Variants in RASEF observed in about 807,000 individuals in gnomAD.
RASEF encodes the protein ras and EF-hand domain-containing protein.
In RASEF, 68 loss-of-function variants were observed where a neutral mutation model predicts 90.1. The observed-to-expected ratio is 0.75, with a 90% CI of 0.62 to 0.92. The LOEUF is 0.92. RASEF is among the 40% of genes least tolerant of loss of function. The probability of loss-of-function intolerance (pLI) is 0.00; values close to 1 mark genes in which losing one functional copy is unlikely to be tolerated. For missense variants in RASEF, 949 were observed against 937.2 expected, an observed-to-expected ratio of 1.01 and a Z score of -0.16; for synonymous variants, 331 against 345.2, an observed-to-expected ratio of 0.96 and a Z score of 0.46.
the RASEF span, among the ~76,000 whole-genome samples, chr9:83,194,657 G>T: frequency 6.6e-6 from 1 of 152,072 alleles, no homozygotes; most frequent in East Asian, 1.9e-4. Flanking sequence ...AAATATTTGG[G>T]ATTCTTCTGT....
intron 16 of RASEF, among the ~76,000 whole-genome samples, chr9:82,988,290 T>C (rs1445487677): frequency 6.6e-6 from 1 of 152,212 alleles, no homozygotes. Context: ...TGGAATCTGT[T>C]ATTCAACCCG....
the RASEF span, among the ~76,000 whole-genome samples, chr9:83,178,095 A>T: frequency 1.3e-5 from 2 of 152,072 alleles, no homozygotes; most frequent in African/African-American, 2.4e-5. Context: ...GTTTTTTATC[A>T]TTCTCACCGG....
the RASEF span, among the ~76,000 whole-genome samples, chr9:83,134,410 GCACACACACA>G: frequency 5.7e-5 from 8 of 139,134 alleles, no homozygotes; most frequent in Admixed American, 1.4e-4. Flanking sequence ...TCACAATAGC[GCACACACACA>G]CACACACACA....
chr9:83,143,987 T>C, the RASEF span, among the ~76,000 whole-genome samples: 4 of 152,050 alleles, frequency 2.6e-5, no homozygotes, highest in Non-Finnish European at 4.4e-5. Flanking sequence ...AAGAATGAAA[T>C]CCTGTCCTTT....
At chr9:83,207,628 G>A in the RASEF span, among the ~76,000 whole-genome samples, 5 of 59,338 alleles carry the variant, frequency 8.4e-5, no homozygotes, top group East Asian at 6.4e-4. Context: ...TTTTTGAGAC[G>A]GAGTCTTGCT....
chr9:83,124,034 T>C, the RASEF span, among the ~76,000 whole-genome samples: 4 of 152,230 alleles, frequency 2.6e-5, no homozygotes, highest in African/African-American at 9.6e-5. Flanking sequence ...CTCATGTCAG[T>C]GGGATCATAC....
At chr9:83,140,739 A>G in the RASEF span, among the ~76,000 whole-genome samples, 1 of 152,196 alleles carries the variant, frequency 6.6e-6, no homozygotes, top group African/African-American at 2.4e-5. Context: ...TGTAAATACT[A>G]AGGAATCAGA....
intron 1 of RASEF, among the ~76,000 whole-genome samples, chr9:83,049,785 T>C (rs1187193699): frequency 9.7e-6 from 1 of 103,610 alleles, no homozygotes; most frequent in African/African-American, 4.3e-5. Context: ...AGTGAGAATA[T>C]GCGGTGTTTG....
chr9:83,084,844 CTTGTCTTGGATATTT>C, the RASEF span, among the ~76,000 whole-genome samples: 5 of 152,040 alleles, frequency 3.3e-5, no homozygotes, highest in Non-Finnish European at 7.4e-5. Flanking sequence ...GAGGGAAGAA[CTTGTCTTGGATATTT>C]TTGTCTTGGA....
intron 1 of RASEF, among the ~76,000 whole-genome samples, chr9:83,026,259 T>C (rs1405811286): frequency 6.6e-6 from 1 of 152,196 alleles, no homozygotes; most frequent in African/African-American, 2.4e-5. Flanking sequence ...CTTAATTCCA[T>C]GTTTCATCCA....
rs1414076419 is a variant in RASEF at position 83,062,874 on chromosome 9, T to TGGCGGGGGCGGCCGAGAGGGC, written c.-28_-8dup. ...CGTCCCCATCCGCCTCCATCCCGCC[T>TGGCGGGGGCGGCCGAGAGGGC]GGCGGGGGCGGCCGAGAGGGCTCCG... On this transcript the variant is annotated 5_prime_UTR_variant, in exon 1 of 17. Coordinates refer to ENST00000376447, the MANE Select transcript of RASEF (RefSeq NM_152573.4). The TGGCGGGGGCGGCCGAGAGGGC allele has an allele frequency of 6.7e-7, 1 of 1,489,190 alleles. No homozygotes were observed. The highest frequency in any genetic ancestry group is 2.8e-5 in the East Asian group (1 of 36,242). The allele number at this position is 1,489,190 out of a possible 1,614,324, so 92.2% of individuals were successfully genotyped here.
At chr9:83,066,610 A>C (rs1830283942), upstream of RASEF, among the ~76,000 whole-genome samples, 2 of 152,194 alleles carry the variant, frequency 1.3e-5, no homozygotes, top group Admixed American at 1.3e-4. Context: ...CTTGCCCATG[A>C]TTGTCAGCAT....
the RASEF span, among the ~76,000 whole-genome samples, chr9:83,105,109 A>G: frequency 6.6e-6 from 1 of 152,196 alleles, no homozygotes; most frequent in Non-Finnish European, 1.5e-5. Flanking sequence ...AGGAGTTGCT[A>G]TGTAGCCTAC....
chr9:83,092,995 C>T, the RASEF span, among the ~76,000 whole-genome samples: 15 of 151,732 alleles, frequency 9.9e-5, no homozygotes, highest in Admixed American at 5.3e-4. Flanking sequence ...TACAAAGTGC[C>T]GATTGGTGTA....
At chr9:83,091,799 CCAGA>C in the RASEF span, among the ~76,000 whole-genome samples, 16 of 151,948 alleles carry the variant, frequency 1.1e-4, no homozygotes, top group Admixed American at 5.9e-4. Context: ...CAGGGAATTA[CCAGA>C]CAGTCAAACA....
Position 82,990,481 on chromosome 9 carries a change from A to G in RASEF, c.2041-14T>C. ...TGCCCCATACGTCTGTAAAAAAGAA[A>G]TACACACAATTAAATGAAGCCCTTC... On this transcript the variant is annotated splice_polypyrimidine_tract_variant and intron_variant, in intron 15 of 16. Transcript: ENST00000376447. The G allele has an allele frequency of 6.3e-7, 1 of 1,588,668 alleles. No individual in the cohort carries two copies. Among genetic ancestry groups the G allele is most frequent in the Non-Finnish European group, 8.6e-7 (1 of 1,159,398 alleles).
chr9:83,105,100 G>A, the RASEF span, among the ~76,000 whole-genome samples: 3 of 152,156 alleles, frequency 2.0e-5, no homozygotes, highest in Non-Finnish European at 4.4e-5. Flanking sequence ...ATGAGGTTTA[G>A]GAGTTGCTAT....
intron 1 of RASEF, among the ~76,000 whole-genome samples, chr9:83,060,644 G>A (rs773933680): frequency 4.6e-5 from 7 of 152,190 alleles, no homozygotes; most frequent in Non-Finnish European, 7.3e-5. Context: ...GGAAGAAAAG[G>A]TCAACAGCTG....
chr9:83,093,956 A>G, the RASEF span, among the ~76,000 whole-genome samples: 1 of 152,220 alleles, frequency 6.6e-6, no homozygotes, highest in African/African-American at 2.4e-5. Flanking sequence ...AGTAAGTTAT[A>G]AAACATTGGG....
Sources: allele counts gnomAD v4.1 joint callset (sites outside exome capture counted in the v4.1 genomes callset), GRCh38; gene constraint gnomAD v4.1.1; transcripts MANE v1.5; gene names NCBI Gene and HGNC (gene_info 2026-07-23, HGNC 2026-07-21).